HTR1F: variants seen among roughly 807,000 people sequenced by gnomAD.
HTR1F encodes the protein 5-hydroxytryptamine (serotonin) receptor 1F, G protein-coupled.
A neutral mutation model predicts 24.0 loss-of-function variants in HTR1F; 17 were observed. The ratio of observed to expected loss-of-function variants is 0.71; its 90% CI spans 0.48 to 1.06. The LOEUF (loss-of-function observed/expected upper bound fraction) is 1.06, where lower values mean the gene tolerates loss of function less well. Among genes scored for constraint, HTR1F ranks in the 50% least tolerant of loss-of-function variants. The pLI is 0.00. For missense variants in HTR1F, 391 were observed against 427.8 expected (o/e 0.91, Z 0.76); for synonymous variants, 186 against 156.8 (o/e 1.19, Z -1.39).
In HTR1F at chr3:87,968,129, A is replaced by G. The variant is rs1444681998; in HGVS notation, c.-42-22579A>G. 2.0e-5 allele frequency among the ~76,000 whole-genome samples: 3 copies of G among 152,218 alleles called. No individual in the cohort carries two copies. In the East Asian group the frequency reaches 5.8e-4, roughly 29 times the overall value. On this transcript the variant is annotated intron_variant, in intron 2 of 2. Coordinates refer to ENST00000319595, the MANE Select transcript of HTR1F (RefSeq NM_001322209.2). Reference sequence around the variant, plus strand: ...GGTGACTCTTGCTATGTTTTAACAAAGAGACTGGTGACATTTTGCCCCTGC... The same window carrying G: ...GGTGACTCTTGCTATGTTTTAACAAGGAGACTGGTGACATTTTGCCCCTGC...
intron 2 of HTR1F, among the ~76,000 whole-genome samples, chr3:87,853,437 A>T (rs1398520669): frequency 6.6e-6 from 1 of 152,084 alleles, no homozygotes; most frequent in East Asian, 1.9e-4. Context: ...TCCATGGTAT[A>T]TATGTATCAT....
At chr3:87,933,010 C>G (rs1704320331) in intron 2 of HTR1F, among the ~76,000 whole-genome samples, 2 of 148,332 alleles carry the variant, frequency 1.3e-5, no homozygotes, top group Admixed American at 1.3e-4. Flanking sequence ...CCACCATGAT[C>G]AAGTGGGCTT....
intron 2 of HTR1F, among the ~76,000 whole-genome samples, chr3:87,845,158 T>G (rs1244625365): frequency 2.6e-5 from 4 of 151,628 alleles, no homozygotes; most frequent in Admixed American, 2.6e-4. Context: ...AAGCATTCCC[T>G]TTGAAAACTG....
intron 2 of HTR1F, among the ~76,000 whole-genome samples, chr3:87,862,535 C>T (rs1705339365): frequency 6.6e-6 from 1 of 152,128 alleles, no homozygotes; most frequent in South Asian, 2.1e-4. Context: ...TTCAAACTGG[C>T]AGTGTTTCTG....
intron 2 of HTR1F, among the ~76,000 whole-genome samples, chr3:87,976,006 G>T (rs562658226): frequency 1.3e-5 from 2 of 152,168 alleles, no homozygotes; most frequent in Admixed American, 1.3e-4. Context: ...ATGAGTGCCC[G>T]ATAAATGTCA....
chr3:87,986,261 G>A (rs1429943781), intron 2 of HTR1F, among the ~76,000 whole-genome samples: 1 of 152,138 alleles, frequency 6.6e-6, no homozygotes, highest in African/African-American at 2.4e-5. Flanking sequence ...ATTTCTCATT[G>A]TAAATAGCAA....
intron 2 of HTR1F, among the ~76,000 whole-genome samples, chr3:87,968,350 T>C (rs1280168064): frequency 6.6e-6 from 1 of 152,156 alleles, no homozygotes; most frequent in Non-Finnish European, 1.5e-5. Context: ...GTAGCTGCGA[T>C]TACAGATGCC....
intron 2 of HTR1F, among the ~76,000 whole-genome samples, chr3:87,906,479 T>C (rs1703669946): frequency 6.6e-6 from 1 of 152,142 alleles, no homozygotes; most frequent in South Asian, 2.1e-4. Flanking sequence ...AGTCTCCTGA[T>C]AAATAATGCT....
intron 2 of HTR1F, among the ~76,000 whole-genome samples, chr3:87,965,797 T>C (rs1378437895): frequency 6.6e-6 from 1 of 152,216 alleles, no homozygotes; most frequent in African/African-American, 2.4e-5. Flanking sequence ...GGAATGTGCC[T>C]GTGAATTCTT....
chr3:87,918,580 C>T (rs1287015864), intron 2 of HTR1F, among the ~76,000 whole-genome samples: 1 of 151,888 alleles, frequency 6.6e-6, no homozygotes, highest in Non-Finnish European at 1.5e-5. Flanking sequence ...TACACCAAGA[C>T]TGACCAAGCT....
chr3:87,948,968 T>G (rs1704774725), intron 2 of HTR1F, among the ~76,000 whole-genome samples: 2 of 152,230 alleles, frequency 1.3e-5, no homozygotes, highest in Admixed American at 1.3e-4. Context: ...GCAGTATATT[T>G]ATTTTCAGAT....
chr3:87,978,266 A>G (rs1250020051), intron 2 of HTR1F, among the ~76,000 whole-genome samples: 1 of 152,144 alleles, frequency 6.6e-6, no homozygotes, highest in African/African-American at 2.4e-5. Flanking sequence ...CCACTCCCTG[A>G]GCTCCCAGAA....
At chr3:87,970,653 C>G (rs1705266173) in intron 2 of HTR1F, among the ~76,000 whole-genome samples, 1 of 152,188 alleles carries the variant, frequency 6.6e-6, no homozygotes, top group Non-Finnish European at 1.5e-5. Context: ...CCTTGAAATT[C>G]TCACTTTCTC....
intron 2 of HTR1F, among the ~76,000 whole-genome samples, chr3:87,936,013 G>A (rs760794530): frequency 6.6e-6 from 1 of 152,082 alleles, no homozygotes; most frequent in Non-Finnish European, 1.5e-5. Context: ...ACTACATCTG[G>A]CTAATTTTTC....
intron 2 of HTR1F, among the ~76,000 whole-genome samples, chr3:87,930,937 T>C (rs1704248587): frequency 6.6e-6 from 1 of 151,832 alleles, no homozygotes; most frequent in Non-Finnish European, 1.5e-5. Flanking sequence ...TTTCATTCAA[T>C]AAGTGAATAA....
intron 2 of HTR1F, among the ~76,000 whole-genome samples, chr3:87,987,518 C>T (rs1576125130): frequency 6.6e-6 from 1 of 150,396 alleles, no homozygotes; most frequent in South Asian, 2.1e-4. Flanking sequence ...ACTTTCATAT[C>T]AACTGAAAAG....
chr3:87,938,235 G>A (rs555604456), intron 2 of HTR1F, among the ~76,000 whole-genome samples: 147 of 152,256 alleles, frequency 9.7e-4, no homozygotes, highest in African/African-American at 3.4e-3. Context: ...TAACTAGGGA[G>A]GTGAAAGATC....
At chr3:87,870,853 G>T (rs1438547565) in intron 2 of HTR1F, among the ~76,000 whole-genome samples, 5 of 152,138 alleles carry the variant, frequency 3.3e-5, no homozygotes, top group Non-Finnish European at 7.4e-5. Flanking sequence ...CAATTCCAGA[G>T]AAAATGCATG....
At chr3:87,925,984 A>G (rs1432656895) in intron 2 of HTR1F, among the ~76,000 whole-genome samples, 1 of 152,214 alleles carries the variant, frequency 6.6e-6, no homozygotes, top group Non-Finnish European at 1.5e-5. Flanking sequence ...GTGAAGAAAG[A>G]TGAGCACTGG....
Sources: allele counts gnomAD v4.1 joint callset (sites outside exome capture counted in the v4.1 genomes callset), GRCh38; gene constraint gnomAD v4.1.1; transcripts MANE v1.5; gene names NCBI Gene and HGNC (gene_info 2026-07-23, HGNC 2026-07-21).